PLCH1: variants seen among roughly 807,000 people sequenced by gnomAD.
PLCH1 encodes the protein phospholipase C eta 1, also known as 1-phosphatidylinositol 4,5-bisphosphate phosphodiesterase eta-1.
In PLCH1, 60 loss-of-function variants were observed where a neutral mutation model predicts 126.7. The observed-to-expected ratio is 0.47, with a 90% CI of 0.38 to 0.59. PLCH1 has a LOEUF of 0.59. Among genes scored for constraint, PLCH1 ranks in the 20% least tolerant of loss-of-function variants. The pLI is 0.00. For synonymous variants in PLCH1, 719 were observed against 734.9 expected, an observed-to-expected ratio of 0.98 and a Z score of 0.35; for missense variants, 1,723 against 2,040.0, an observed-to-expected ratio of 0.84 and a Z score of 2.99.
intron 11 of PLCH1, among the ~76,000 whole-genome samples, chr3:155,518,930 C>T (rs943161902): frequency 6.6e-5 from 10 of 152,188 alleles, no homozygotes; most frequent in South Asian, 6.2e-4. Context: ...AAGCCAGAGC[C>T]GATCCAGAGC....
intron 8 of PLCH1, among the ~76,000 whole-genome samples, chr3:155,554,585 T>G (rs1726566767): frequency 1.3e-5 from 2 of 152,200 alleles, no homozygotes; most frequent in African/African-American, 4.8e-5. Context: ...GAAGGTCTTT[T>G]AGAAAGTCAC....
At chr3:155,653,893 A>T (rs1192838546) in intron 2 of PLCH1, among the ~76,000 whole-genome samples, 1 of 151,940 alleles carries the variant, frequency 6.6e-6, no homozygotes, top group Non-Finnish European at 1.5e-5. Context: ...ATGTTCCCTG[A>T]TCCTATATCC....
Position 155,565,129 on chromosome 3 carries a change from A to C in PLCH1, c.866-11T>G, listed in dbSNP as rs72996912. On this transcript the variant is annotated splice_polypyrimidine_tract_variant and intron_variant, in intron 7 of 22. Transcript: ENST00000460012. ...TGAAGTTCGTGAAGCCTTTGGAAGA[A>C]AGAGAGTGACTTACTACAGCTTTCA... The C allele has an allele frequency of 3.3e-3, 5,261 of 1,595,714 alleles. 157 individuals carry two copies. The African/African-American group carries it at 0.061, about 18-fold the overall frequency.
intron 10 of PLCH1, among the ~76,000 whole-genome samples, chr3:155,545,679 G>A (rs1016908042): frequency 7.9e-5 from 12 of 152,030 alleles, no homozygotes; most frequent in African/African-American, 2.7e-4. Context: ...ACATCAAAAA[G>A]CTTATCCACC....
At chr3:155,681,627 A>G (rs1258258050) in intron 2 of PLCH1, among the ~76,000 whole-genome samples, 1 of 152,210 alleles carries the variant, frequency 6.6e-6, no homozygotes, top group Non-Finnish European at 1.5e-5. Context: ...ACCAGAGCTT[A>G]ATTCCTTTTA....
At position 155,710,345 on chromosome 3, in the gene PLCH1, C is replaced by T. The variant is rs141568186; in HGVS notation, c.-40-6081G>A. ...TTGGACAAGAGTCCTTTATCAGATA[C>T]ATCTCTTGCAAATATCTTCTCCCAG... On this transcript the variant is annotated intron_variant, in intron 1 of 22. Coordinates refer to ENST00000460012, the MANE Select transcript of PLCH1 (RefSeq NM_014996.4). 2.4e-3 allele frequency among the ~76,000 whole-genome samples: 373 copies of T among 152,278 alleles called. 2 individuals are homozygous for T. The highest frequency in any genetic ancestry group is 8.3e-3 in the African/African-American group (345 of 41,550).
chr3:155,738,805 G>A (rs917201964), intron 1 of PLCH1, among the ~76,000 whole-genome samples: 11 of 149,782 alleles, frequency 7.3e-5, no homozygotes, highest in Admixed American at 3.3e-4. Context: ...AAAAAAAATA[G>A]CATAACATGG....
chr3:155,734,810 G>A (rs1359325127), intron 1 of PLCH1, among the ~76,000 whole-genome samples: 2 of 151,016 alleles, frequency 1.3e-5, no homozygotes, highest in African/African-American at 4.9e-5. Flanking sequence ...CCAGGTTCAC[G>A]CCATTCTCCT....
chr3:155,484,894 A>G (rs905091104), intron 22 of PLCH1, among the ~76,000 whole-genome samples: 1 of 152,214 alleles, frequency 6.6e-6, no homozygotes, highest in African/African-American at 2.4e-5. Flanking sequence ...TTGAGAAAAA[A>G]GATTTGCCTG....
At position 155,674,039 on chromosome 3, in the gene PLCH1, A is replaced by C. The variant is rs572109489; in HGVS notation, c.79+30107T>G. Among the ~76,000 whole-genome samples, 3 of 152,330 alleles carry C rather than the reference A, an allele frequency of 2.0e-5. No individual in the cohort carries two copies. In the South Asian group the frequency reaches 6.2e-4, roughly 32 times the overall value. On this transcript the variant is annotated intron_variant, in intron 2 of 22. Coordinates refer to ENST00000460012, the MANE Select transcript of PLCH1 (RefSeq NM_014996.4). ...CTTACAACAACCTTGTGAGGTAAGC[A>C]AGAAAGTAGTATTATCTCTTCTTAC... is the stretch of plus-strand genomic sequence containing the variant.
intron 2 of PLCH1, among the ~76,000 whole-genome samples, chr3:155,696,748 A>G (rs1003354407): frequency 9.8e-5 from 15 of 152,322 alleles, no homozygotes; most frequent in East Asian, 1.9e-4. Flanking sequence ...TACCAATTCC[A>G]ATTGCCAATT....
At chr3:155,475,772 C>G (rs2107987861), downstream of PLCH1, among the ~76,000 whole-genome samples, 1 of 151,878 alleles carries the variant, frequency 6.6e-6, no homozygotes, top group Admixed American at 6.6e-5. Flanking sequence ...GGAAGAAATC[C>G]AAAACCCAAA....
intron 2 of PLCH1, among the ~76,000 whole-genome samples, chr3:155,690,282 C>T (rs779917724): frequency 6.6e-5 from 10 of 152,014 alleles, no homozygotes; most frequent in Non-Finnish European, 1.2e-4. Flanking sequence ...TTATAATTCA[C>T]AAAAAGGGTA....
chr3:155,607,580 A>ACT (rs1228608438), intron 2 of PLCH1, among the ~76,000 whole-genome samples: 1 of 151,950 alleles, frequency 6.6e-6, no homozygotes, highest in African/African-American at 2.4e-5. Context: ...TGCTGGGAGT[A>ACT]GAGGTGCATG....
At chr3:155,655,939 C>A (rs1043104619) in intron 2 of PLCH1, among the ~76,000 whole-genome samples, 2 of 151,834 alleles carry the variant, frequency 1.3e-5, no homozygotes, top group Non-Finnish European at 2.9e-5. Flanking sequence ...AGCAAAACTA[C>A]CCAAGGAAGA....
intron 2 of PLCH1, among the ~76,000 whole-genome samples, chr3:155,603,898 G>C (rs1270833936): frequency 6.6e-6 from 1 of 151,964 alleles, no homozygotes; most frequent in East Asian, 1.9e-4. Context: ...ACAAGTTCGA[G>C]ACCAGCCAGG....
chr3:155,637,363 G>A (rs1519533), intron 2 of PLCH1, among the ~76,000 whole-genome samples: 42,662 of 152,108 alleles, frequency 0.28, 6,402 homozygotes, highest in East Asian at 0.44. Context: ...AAAGGAATTC[G>A]AAAGTTCTAT....
chr3:155,494,467 C>T lies in PLCH1; in HGVS notation c.1945G>A (p.Val649Ile). 1.2e-6 allele frequency: 2 copies of T among 1,614,066 alleles called. No individual in the cohort carries two copies. Among genetic ancestry groups the T allele is most frequent in the Non-Finnish European group, 8.5e-7 (1 of 1,179,944 alleles). ...SFSETRAHQV[V>I]QQKSEQFMIY... ...ATGAACTGCTCTGATTTTTGCTGAA[C>T]AACCTGATGTGCTCTTGTTTCACTG... Residue 649 changes from valine (V) to isoleucine (I), a missense_variant, in exon 16 of 23, where the codon GTT becomes ATT. Val to Ile is a conservative substitution (Grantham distance 29). This residue lies in a region of PLCH1 where 776 missense variants were observed against 1,062.9 expected (regional missense o/e 0.73). Coordinates refer to ENST00000460012, the MANE Select transcript of PLCH1 (RefSeq NM_014996.4).
intron 2 of PLCH1, among the ~76,000 whole-genome samples, chr3:155,679,240 C>T (rs1206103142): frequency 6.6e-6 from 1 of 152,228 alleles, no homozygotes; most frequent in South Asian, 2.1e-4. Flanking sequence ...TAAATATTTT[C>T]TGTATTTTTT....
Sources: allele counts gnomAD v4.1 joint callset (sites outside exome capture counted in the v4.1 genomes callset), GRCh38; gene constraint gnomAD v4.1.1; regional missense constraint gnomAD v4.1.1; transcripts MANE v1.5; gene names NCBI Gene and HGNC (gene_info 2026-07-23, HGNC 2026-07-21).